Variants in CADM2 observed in about 807,000 individuals in gnomAD.
CADM2 encodes cell adhesion molecule 2.
In CADM2, 12 loss-of-function variants were observed where a neutral mutation model predicts 49.8. The ratio of observed to expected loss-of-function variants is 0.24; its 90% CI spans 0.15 to 0.39. The LOEUF is 0.39. Among genes scored for constraint, CADM2 ranks in the 10% least tolerant of loss-of-function variants. The pLI is 1.00. For synonymous variants in CADM2, 214 were observed against 175.4 expected, an observed-to-expected ratio of 1.22 and a Z score of -1.74; for missense variants, 378 against 492.3, an observed-to-expected ratio of 0.77 and a Z score of 2.20.
At chr3:85,008,130 C>T (rs4301023) in intron 1 of CADM2, among the ~76,000 whole-genome samples, 77,728 of 151,992 alleles carry the variant, frequency 0.51, 20,175 homozygotes, top group Admixed American at 0.59. Flanking sequence ...AAAATTATGT[C>T]TGCAGTTGGC....
At chr3:85,006,119 A>G (rs574656674) in intron 1 of CADM2, among the ~76,000 whole-genome samples, 1 of 152,294 alleles carries the variant, frequency 6.6e-6, no homozygotes, top group South Asian at 2.1e-4. Flanking sequence ...TAGCTGTGAA[A>G]TCAAAGCAGC....
At chr3:85,049,327 G>GTTTATTTATTTATTTATTTATTTA (rs141705505) in intron 1 of CADM2, among the ~76,000 whole-genome samples, 1 of 146,148 alleles carries the variant, frequency 6.8e-6, no homozygotes, top group African/African-American at 2.6e-5. Flanking sequence ...TGCAGGTTTA[G>GTTTATTTATTTATTTATTTATTTA]TTTATTTATT....
At chr3:85,223,176 T>C (rs1297615268) in intron 1 of CADM2, among the ~76,000 whole-genome samples, 1 of 152,092 alleles carries the variant, frequency 6.6e-6, no homozygotes, top group Non-Finnish European at 1.5e-5. Context: ...AGATCATAAG[T>C]AGAAATTGGC....
At chr3:85,671,577 C>G (rs1290281478) in intron 1 of CADM2, among the ~76,000 whole-genome samples, 1 of 152,078 alleles carries the variant, frequency 6.6e-6, no homozygotes, top group Non-Finnish European at 1.5e-5. Flanking sequence ...ATCGCAGTAC[C>G]TTTAACCCTA....
intron 1 of CADM2, among the ~76,000 whole-genome samples, chr3:85,488,689 G>A (rs768007726): frequency 1.3e-5 from 2 of 151,862 alleles, no homozygotes; most frequent in East Asian, 1.9e-4. Flanking sequence ...TCACCACCAC[G>A]CCCAGCTAAT....
At chr3:85,568,475 CTTTCTT>C (rs1179539630) in intron 1 of CADM2, among the ~76,000 whole-genome samples, 3 of 39,412 alleles carry the variant, frequency 7.6e-5, no homozygotes, top group African/African-American at 2.0e-4. Flanking sequence ...CTTTCTCTCT[CTTTCTT>C]TCTTTCTTTC....
intron 3 of CADM2, among the ~76,000 whole-genome samples, chr3:85,875,799 G>A (rs1041867625): frequency 1.3e-5 from 2 of 152,194 alleles, no homozygotes; most frequent in African/African-American, 4.8e-5. Context: ...CAGTGTTTGT[G>A]TGGGTAACCT....
intron 1 of CADM2, among the ~76,000 whole-genome samples, chr3:85,124,062 T>C (rs1559675980): frequency 6.6e-6 from 1 of 152,256 alleles, no homozygotes; most frequent in African/African-American, 2.4e-5. Context: ...GCAAATGCTT[T>C]TCTCTGTAAT....
intron 1 of CADM2, among the ~76,000 whole-genome samples, chr3:85,352,672 T>G (rs12493423): frequency 0.31 from 46,804 of 152,030 alleles, 7,934 homozygotes; most frequent in Non-Finnish European, 0.38. Context: ...ATATCAATTT[T>G]GCTTCCACAG....
At chr3:86,027,671 T>A (rs998734875) in intron 8 of CADM2, among the ~76,000 whole-genome samples, 1 of 152,218 alleles carries the variant, frequency 6.6e-6, no homozygotes, top group Non-Finnish European at 1.5e-5. Flanking sequence ...TATTTTTGAA[T>A]GATTTTATCA....
At chr3:85,050,921 G>T (rs2035856701) in intron 1 of CADM2, among the ~76,000 whole-genome samples, 1 of 152,298 alleles carries the variant, frequency 6.6e-6, no homozygotes, top group Admixed American at 6.5e-5. Context: ...CAAGGTTGCA[G>T]GGATGTACTC....
At chr3:85,680,270 A>C (rs1394871356) in intron 1 of CADM2, among the ~76,000 whole-genome samples, 1 of 152,118 alleles carries the variant, frequency 6.6e-6, no homozygotes, top group Non-Finnish European at 1.5e-5. Context: ...TATTTGTATC[A>C]TTTTAATTAA....
chr3:85,378,700 G>A (rs1241817673), intron 1 of CADM2, among the ~76,000 whole-genome samples: 1 of 151,796 alleles, frequency 6.6e-6, no homozygotes, highest in African/African-American at 2.4e-5. Context: ...TGTTCTAAAA[G>A]ACAATGAACT....
intron 8 of CADM2, among the ~76,000 whole-genome samples, chr3:86,042,394 G>C (rs1428898564): frequency 6.6e-6 from 1 of 152,064 alleles, no homozygotes; most frequent in Non-Finnish European, 1.5e-5. Flanking sequence ...TGATAAAGGG[G>C]ATATCACTAC....
chr3:86,036,196 C>T (rs1299601080), intron 8 of CADM2, among the ~76,000 whole-genome samples: 1 of 152,000 alleles, frequency 6.6e-6, no homozygotes, highest in Non-Finnish European at 1.5e-5. Context: ...AAGTCTATGC[C>T]CACAGGAGAA....
At chr3:84,988,175 G>A (rs2032688074) in intron 1 of CADM2, among the ~76,000 whole-genome samples, 1 of 152,144 alleles carries the variant, frequency 6.6e-6, no homozygotes, top group South Asian at 2.1e-4. Flanking sequence ...GAGTGTCTGG[G>A]AAACAAAGAG....
intron 1 of CADM2, among the ~76,000 whole-genome samples, chr3:85,499,988 G>T (rs1213490770): frequency 6.6e-6 from 1 of 152,112 alleles, no homozygotes; most frequent in Non-Finnish European, 1.5e-5. Context: ...TACAATTACT[G>T]ATATGTTTTA....
intron 8 of CADM2, chr3:86,012,838 G>A (rs949282437): frequency 8.6e-5 from 46 of 532,826 alleles, no homozygotes; most frequent in Non-Finnish European, 1.3e-4. Context: ...AGCCGGGAGC[G>A]GTGGCGGGCG....
At chr3:85,457,163 A>C (rs1375723424) in intron 1 of CADM2, among the ~76,000 whole-genome samples, 1 of 152,192 alleles carries the variant, frequency 6.6e-6, no homozygotes, top group African/African-American at 2.4e-5. Context: ...CTGTAATCCC[A>C]GCACTTTGGG....
Sources: gnomAD v4.1 joint callset for allele counts (sites outside exome capture counted in the v4.1 genomes callset) on GRCh38, gnomAD v4.1.1 for gene constraint, MANE v1.5 for transcripts, NCBI Gene and HGNC (gene_info 2026-07-23, HGNC 2026-07-21) for gene names.